The following SLC13A3 variants were observed in gnomAD, a reference collection of about 807,000 sequenced individuals.
The protein encoded by SLC13A3 is Na(+)/dicarboxylate cotransporter 3.
SLC13A3 carries 40 observed loss-of-function variants against 59.0 expected under a neutral mutation model. The ratio of observed to expected loss-of-function variants is 0.68; its 90% CI spans 0.53 to 0.88. The LOEUF (loss-of-function observed/expected upper bound fraction) is 0.88. Among genes scored for constraint, SLC13A3 ranks in the 40% least tolerant of loss-of-function variants. The probability of loss-of-function intolerance (pLI) is 0.00; values close to 1 mark genes in which losing one functional copy is unlikely to be tolerated. For synonymous variants in SLC13A3, 317 were observed against 330.3 expected (o/e 0.96, Z 0.44); for missense variants, 699 against 783.2 (o/e 0.89, Z 1.28).
At chr20:46,590,962 C>A (rs1307005659) in intron 6 of SLC13A3, among the ~76,000 whole-genome samples, 1 of 150,862 alleles carries the variant, frequency 6.6e-6, no homozygotes, top group South Asian at 2.1e-4. Flanking sequence ...GGTTTGAGAC[C>A]AGCCTGGCCA....
chr20:46,674,489 G>A (rs557220511), upstream of SLC13A3, among the ~76,000 whole-genome samples: 9 of 152,242 alleles, frequency 5.9e-5, no homozygotes, highest in East Asian at 1.6e-3. Flanking sequence ...GCCTTTGATC[G>A]GCAGCAGACC....
intron 1 of SLC13A3, among the ~76,000 whole-genome samples, chr20:46,678,909 G>C (rs1217926436): frequency 6.6e-6 from 1 of 152,124 alleles, no homozygotes; most frequent in Non-Finnish European, 1.5e-5. Flanking sequence ...GGCTCTGTTA[G>C]TTCACAAGAC....
intron 1 of SLC13A3, among the ~76,000 whole-genome samples, chr20:46,626,123 GTCTCTC>G (rs997252516): frequency 2.2e-5 from 2 of 89,664 alleles, no homozygotes; most frequent in African/African-American, 1.3e-4. Flanking sequence ...CTCTCTCTCT[GTCTCTC>G]TCTCTCTCTG....
At chr20:46,655,444 G>A (rs762704114), upstream of SLC13A3, among the ~76,000 whole-genome samples, 14 of 148,576 alleles carry the variant, frequency 9.4e-5, no homozygotes, top group African/African-American at 2.0e-4. Flanking sequence ...GCATCTGCTC[G>A]GCTTCTGGGG....
At chr20:46,660,779 G>C (rs2063024997) in intron 1 of SLC13A3, among the ~76,000 whole-genome samples, 1 of 152,036 alleles carries the variant, frequency 6.6e-6, no homozygotes. Flanking sequence ...ATTTATGTTA[G>C]AGCATTTGGT....
intron 9 of SLC13A3, among the ~76,000 whole-genome samples, chr20:46,579,333 C>T (rs970341107): frequency 3.9e-5 from 6 of 152,072 alleles, no homozygotes; most frequent in Admixed American, 2.0e-4. Context: ...TTATGTGGCC[C>T]AGGCTCTTCT....
chr20:46,682,350 A>T (rs909187169), intron 1 of SLC13A3: 2 of 152,222 alleles, frequency 1.3e-5, no homozygotes, highest in African/African-American at 4.8e-5. Flanking sequence ...CCAACCCCTA[A>T]GGTAGCACGT....
At chr20:46,615,041 G>T (rs1449240602) in intron 1 of SLC13A3, among the ~76,000 whole-genome samples, 2 of 152,126 alleles carry the variant, frequency 1.3e-5, no homozygotes, top group African/African-American at 4.8e-5. Context: ...CTACACACCT[G>T]TTCTCATAAT....
rs551693472 is a variant in SLC13A3, at chr20:46,605,156, AT to A, written c.542-5120del. On this transcript the variant is annotated intron_variant, in intron 3 of 12. Transcript: ENST00000279027. ...CGTACACACAGAACTCTAAACAGTA[AT>A]TAGCTTTATCATATAAGATCAGGAA... Among the ~76,000 whole-genome samples, 127 of 152,344 alleles carry A rather than the reference AT, an allele frequency of 8.3e-4. 1 individual carries two copies. The highest frequency in any genetic ancestry group is 3.0e-3 in the African/African-American group (124 of 41,570).
chr20:46,604,781 C>T (rs1243903469), intron 3 of SLC13A3, among the ~76,000 whole-genome samples: 4 of 152,208 alleles, frequency 2.6e-5, no homozygotes, highest in African/African-American at 9.6e-5. Context: ...ACAAGCCATG[C>T]ACGAGGCCAG....
intron 1 of SLC13A3, among the ~76,000 whole-genome samples, chr20:46,631,766 C>T (rs1010274912): frequency 5.9e-5 from 9 of 152,034 alleles, no homozygotes; most frequent in Non-Finnish European, 1.0e-4. Flanking sequence ...GCAAGCAAAA[C>T]GCGCAGGGGT....
rs1435077869 is a variant in SLC13A3 at position 46,559,977 on chromosome 20, A to G, written c.*45T>C. The G allele has an allele frequency of 6.4e-7, 1 of 1,563,264 alleles. No individual in the cohort carries two copies. Among genetic ancestry groups the G allele is most frequent in the Non-Finnish European group, 8.8e-7 (1 of 1,137,288 alleles). On this transcript the variant is annotated 3_prime_UTR_variant, in exon 13 of 13. Coordinates refer to ENST00000279027, the MANE Select transcript of SLC13A3 (RefSeq NM_022829.6). Reference sequence around the variant, plus strand: ...TGTCCTAGCAGCAGGTGATGGTGACAGCCCTTTGAGAGGGTTCAGCCTCAA... The same window carrying G: ...TGTCCTAGCAGCAGGTGATGGTGACGGCCCTTTGAGAGGGTTCAGCCTCAA...
At chr20:46,632,473 A>G (rs1328282965) in intron 1 of SLC13A3, among the ~76,000 whole-genome samples, 1 of 151,868 alleles carries the variant, frequency 6.6e-6, no homozygotes, top group African/African-American at 2.4e-5. Flanking sequence ...GGGAAAAAAA[A>G]AAAAAGCTGC....
chr20:46,589,940 T>C (rs182383704), intron 6 of SLC13A3, among the ~76,000 whole-genome samples: 3 of 152,304 alleles, frequency 2.0e-5, no homozygotes, highest in African/African-American at 4.8e-5. Context: ...CTTGGAATAA[T>C]ATGGTTAGAG....
At chr20:46,616,796 C>T (rs1008200139) in intron 1 of SLC13A3, among the ~76,000 whole-genome samples, 3 of 152,214 alleles carry the variant, frequency 2.0e-5, no homozygotes, top group Non-Finnish European at 1.5e-5. Flanking sequence ...CCAAAGGCTT[C>T]AGACTTGGCC....
At chr20:46,678,029 G>A (rs6090539) in intron 1 of SLC13A3, among the ~76,000 whole-genome samples, 18,851 of 152,172 alleles carry the variant, frequency 0.12, 2,403 homozygotes, top group African/African-American at 0.32. Flanking sequence ...AACATTATGT[G>A]AACCCAAGAA....
At chr20:46,588,900 C>T (rs567559854) in intron 7 of SLC13A3, among the ~76,000 whole-genome samples, 3 of 152,292 alleles carry the variant, frequency 2.0e-5, no homozygotes, top group Admixed American at 1.3e-4. Flanking sequence ...GGGAGGGAAA[C>T]GGTGCCTTGG....
rs73313013 is a variant in SLC13A3, at chr20:46,619,171, A to G, written c.112-5446T>C. 5.8e-3 allele frequency among the ~76,000 whole-genome samples: 878 copies of G among 152,308 alleles called. 13 individuals are homozygous for G. The highest frequency in any genetic ancestry group is 0.02 in the African/African-American group (850 of 41,570). On this transcript the variant is annotated intron_variant, in intron 1 of 12. Coordinates refer to ENST00000279027, the MANE Select transcript of SLC13A3 (RefSeq NM_022829.6). ...AGACAGGGTGACATCTTTCCGAGCT[A>G]GGATTTGAGAGGTGTTTGGCACAGA...
intron 12 of SLC13A3, among the ~76,000 whole-genome samples, chr20:46,561,952 G>A (rs2061935437): frequency 6.6e-6 from 1 of 152,166 alleles, no homozygotes; most frequent in South Asian, 2.1e-4. Context: ...GGCCATCCCT[G>A]CCCGGGACTG....
Sources: gnomAD v4.1 joint callset for allele counts (sites outside exome capture counted in the v4.1 genomes callset) on GRCh38, gnomAD v4.1.1 for gene constraint, MANE v1.5 for transcripts, NCBI Gene and HGNC (gene_info 2026-07-23, HGNC 2026-07-21) for gene names.